AGBL4: variants seen among roughly 807,000 people sequenced by gnomAD.
AGBL4 encodes the protein cytosolic carboxypeptidase 6.
Under a neutral mutation model 66.4 loss-of-function variants are expected in AGBL4, and 58 were observed. The ratio of observed to expected loss-of-function variants is 0.87; its 90% CI spans 0.71 to 1.09. The LOEUF is 1.09. Ranked by LOEUF, AGBL4 falls within the 50% of genes least tolerant of loss-of-function variation. AGBL4 has a pLI of 0.00. For synonymous variants in AGBL4, 234 were observed against 222.9 expected (o/e 1.05, Z -0.44); for missense variants, 579 against 631.0 (o/e 0.92, Z 0.88).
At chr1:49,599,544 G>A (rs1271371942) in intron 3 of AGBL4, among the ~76,000 whole-genome samples, 1 of 151,794 alleles carries the variant, frequency 6.6e-6, no homozygotes, top group East Asian at 1.9e-4. Flanking sequence ...TATCTATTTT[G>A]TTGATCTTTT....
intron 1 of AGBL4, among the ~76,000 whole-genome samples, chr1:49,884,860 T>C (rs919543840): frequency 2.0e-5 from 3 of 151,872 alleles, no homozygotes; most frequent in Non-Finnish European, 4.4e-5. Flanking sequence ...AAAATGTGTA[T>C]CTATAGATGT....
intron 5 of AGBL4, among the ~76,000 whole-genome samples, chr1:48,957,504 C>G (rs1041465544): frequency 2.0e-5 from 3 of 152,106 alleles, no homozygotes; most frequent in African/African-American, 7.2e-5. Flanking sequence ...ATCTTTGGCT[C>G]TACTAGGTCA....
intron 4 of AGBL4, among the ~76,000 whole-genome samples, chr1:49,185,767 G>A (rs1321185492): frequency 2.6e-5 from 4 of 151,982 alleles, no homozygotes; most frequent in Admixed American, 1.3e-4. Flanking sequence ...CCCCGCCCTC[G>A]CATCTCTTTT....
At chr1:49,495,850 A>G (rs1009363560) in intron 3 of AGBL4, among the ~76,000 whole-genome samples, 4 of 152,034 alleles carry the variant, frequency 2.6e-5, no homozygotes, top group East Asian at 1.9e-4. Flanking sequence ...TGATCAGACT[A>G]CTTTTCCTGA....
chr1:49,348,426 AAAAAAT>A (rs1357450461), intron 3 of AGBL4, among the ~76,000 whole-genome samples: 4 of 152,188 alleles, frequency 2.6e-5, no homozygotes, highest in African/African-American at 4.8e-5. Context: ...GTCTCAAAAA[AAAAAAT>A]AAAAATAAAA....
At chr1:49,313,640 T>C (rs535206173) in intron 3 of AGBL4, among the ~76,000 whole-genome samples, 1 of 152,358 alleles carries the variant, frequency 6.6e-6, no homozygotes, top group Admixed American at 6.5e-5. Context: ...GATGAGCTTT[T>C]TTTCATATGT....
At chr1:49,919,093 T>C (rs939995383) in intron 1 of AGBL4, among the ~76,000 whole-genome samples, 7 of 152,118 alleles carry the variant, frequency 4.6e-5, no homozygotes, top group African/African-American at 1.7e-4. Flanking sequence ...CTCAAAATAA[T>C]AAGAGCTATC....
chr1:49,122,315 C>T (rs1006717261), intron 4 of AGBL4, among the ~76,000 whole-genome samples: 5 of 151,466 alleles, frequency 3.3e-5, no homozygotes, highest in Admixed American at 6.6e-5. Flanking sequence ...AGCTGCAGAC[C>T]GGAGCTGTTC....
intron 3 of AGBL4, among the ~76,000 whole-genome samples, chr1:49,624,744 G>GCCTAAAT (rs1645432931): frequency 6.6e-6 from 1 of 152,148 alleles, no homozygotes; most frequent in African/African-American, 2.4e-5. Flanking sequence ...AACAGAAGGA[G>GCCTAAAT]CCTAAATCTT....
intron 6 of AGBL4, among the ~76,000 whole-genome samples, chr1:48,755,003 C>A (rs1652325142): frequency 6.6e-6 from 1 of 152,156 alleles, no homozygotes; most frequent in Admixed American, 6.5e-5. Context: ...CAACTCCATG[C>A]CTCCATGTTG....
chr1:48,603,803 A>G (rs987815637), intron 9 of AGBL4, among the ~76,000 whole-genome samples: 7 of 152,112 alleles, frequency 4.6e-5, no homozygotes, highest in African/African-American at 7.2e-5. Context: ...AAGGTCCTCA[A>G]TTAAAGCAAG....
chr1:49,556,416 T>C (rs1438238742), intron 3 of AGBL4, among the ~76,000 whole-genome samples: 1 of 151,870 alleles, frequency 6.6e-6, no homozygotes, highest in African/African-American at 2.4e-5. Flanking sequence ...TTAGGAGATA[T>C]ACCTAATGTA....
intron 6 of AGBL4, among the ~76,000 whole-genome samples, chr1:48,735,629 C>A (rs1485242221): frequency 6.6e-6 from 1 of 152,108 alleles, no homozygotes; most frequent in East Asian, 1.9e-4. Flanking sequence ...CTCCCTGTCT[C>A]TTTGCCTGCC....
At chr1:49,171,147 T>C (rs907504899) in intron 4 of AGBL4, among the ~76,000 whole-genome samples, 2 of 152,242 alleles carry the variant, frequency 1.3e-5, no homozygotes, top group Admixed American at 1.3e-4. Flanking sequence ...TTGGAGGCTA[T>C]AACTGTAAGA....
At chr1:49,054,266 G>A (rs1050694033) in intron 4 of AGBL4, among the ~76,000 whole-genome samples, 1 of 151,880 alleles carries the variant, frequency 6.6e-6, no homozygotes, top group Non-Finnish European at 1.5e-5. Context: ...TAATTTAACT[G>A]AATTCCAATA....
At chr1:49,544,356 A>G (rs1652311505) in intron 3 of AGBL4, among the ~76,000 whole-genome samples, 1 of 152,178 alleles carries the variant, frequency 6.6e-6, no homozygotes, top group African/African-American at 2.4e-5. Context: ...TTTGTAATAT[A>G]AAAGAGTAAA....
chr1:49,040,981 G>A (rs1333781033), intron 5 of AGBL4, among the ~76,000 whole-genome samples: 1 of 152,002 alleles, frequency 6.6e-6, no homozygotes. Flanking sequence ...TTCTCATGAT[G>A]TCCTTATCTT....
chr1:49,637,880 G>T (rs1431108529), intron 3 of AGBL4, among the ~76,000 whole-genome samples: 1 of 151,984 alleles, frequency 6.6e-6, no homozygotes, highest in Admixed American at 6.6e-5. Context: ...AATACATAAT[G>T]ATATAAATGG....
chr1:48,756,427 C>T (rs1181715732), intron 6 of AGBL4, among the ~76,000 whole-genome samples: 1 of 152,186 alleles, frequency 6.6e-6, no homozygotes, highest in East Asian at 1.9e-4. Context: ...ACTTTAAACT[C>T]CTCAAGGGCA....
Sources: allele counts gnomAD v4.1 joint callset (sites outside exome capture counted in the v4.1 genomes callset), GRCh38; gene constraint gnomAD v4.1.1; transcripts MANE v1.5; gene names NCBI Gene and HGNC (gene_info 2026-07-23, HGNC 2026-07-21).